Variants in POU2F1 observed in about 807,000 individuals in gnomAD.
POU2F1 encodes the protein POU class 2 homeobox 1, also known as POU domain, class 2, transcription factor 1.
A neutral mutation model predicts 84.9 loss-of-function variants in POU2F1; 16 were observed. The observed-to-expected ratio is 0.19, with a 90% CI of 0.13 to 0.29. The LOEUF is 0.29. Ranked by LOEUF, POU2F1 falls within the 10% of genes least tolerant of loss-of-function variation. The pLI is 1.00. For missense variants in POU2F1, 738 were observed against 942.6 expected (o/e 0.78, Z 2.84); for synonymous variants, 368 against 368.3 (o/e 1.00, Z 0.01).
At chr1:167,324,383 A>G (rs1305799971) in intron 1 of POU2F1, among the ~76,000 whole-genome samples, 1 of 147,270 alleles carries the variant, frequency 6.8e-6, no homozygotes, top group Admixed American at 6.7e-5. Flanking sequence ...ATATATGTAC[A>G]ATGTAAAATG....
intron 1 of POU2F1, among the ~76,000 whole-genome samples, chr1:167,312,218 G>C (rs1470598622): frequency 1.3e-5 from 2 of 149,968 alleles, no homozygotes; most frequent in African/African-American, 4.9e-5. Context: ...TTACAGGCGT[G>C]AGCCACCGTG....
intron 1 of POU2F1, among the ~76,000 whole-genome samples, chr1:167,304,682 T>A (rs1454277904): frequency 1.3e-5 from 2 of 152,338 alleles, no homozygotes; most frequent in South Asian, 2.1e-4. Context: ...TTCAAAGATA[T>A]GAATCTTATC....
chr1:167,416,556 A>T lies in POU2F1; in HGVS notation c.*746A>T, dbSNP rs1650332149. 2 of 155,002 alleles carry T rather than the reference A, an allele frequency of 1.3e-5. No homozygotes were observed. Among genetic ancestry groups the T allele is most frequent in the Admixed American group, 1.3e-4 (2 of 15,434 alleles). The allele number at this position is 155,002 out of a possible 1,614,324, so 9.6% of individuals were successfully genotyped here. ...GTTCTTGCTGGTTTCCTTATCCTTG[A>T]TGACTCTTACAGAGGTGCTAGAAAA... On this transcript the variant is annotated 3_prime_UTR_variant, in exon 16 of 16. Coordinates refer to ENST00000367866, the MANE Select transcript of POU2F1 (RefSeq NM_002697.4).
intron 1 of POU2F1, among the ~76,000 whole-genome samples, chr1:167,330,051 A>G (rs1020231480): frequency 1.3e-5 from 2 of 152,172 alleles, no homozygotes; most frequent in African/African-American, 4.8e-5. Flanking sequence ...AAATCAAGGC[A>G]CTTTGATTTT....
At chr1:167,234,496 C>G (rs930065547) in intron 1 of POU2F1, among the ~76,000 whole-genome samples, 2 of 152,084 alleles carry the variant, frequency 1.3e-5, no homozygotes, top group Non-Finnish European at 1.5e-5. Context: ...CTTTGGGAGG[C>G]TGAGGTGGGA....
At position 167,389,884 on chromosome 1, in the gene POU2F1, C is replaced by T. The variant is rs531207427; in HGVS notation, c.987+123C>T. On this transcript the variant is annotated intron_variant, in intron 9 of 15. Coordinates refer to ENST00000367866, the MANE Select transcript of POU2F1 (RefSeq NM_002697.4). ...AGTCCAAAATATTTGGGACGGGGGA[C>T]GAAAAAGGATGGTCATGTCTGTACT... The T allele has an allele frequency of 3.2e-5, 35 of 1,093,408 alleles. 1 individual carries two copies. The highest frequency in any genetic ancestry group is 1.4e-4 in the South Asian group (9 of 63,404). 67.7% of individuals were successfully genotyped at this position (1,093,408 alleles called of 1,614,324 possible).
intron 1 of POU2F1, among the ~76,000 whole-genome samples, chr1:167,257,628 C>T (rs1651241759): frequency 6.6e-6 from 1 of 152,112 alleles, no homozygotes; most frequent in Admixed American, 6.6e-5. Context: ...TAAGTGATTG[C>T]ATTGTAGGAA....
rs796216339 is a variant in POU2F1 at position 167,243,625 on chromosome 1, G to A, written c.61+22667G>A. On this transcript the variant is annotated intron_variant, in intron 1 of 15. Coordinates refer to ENST00000367866, the MANE Select transcript of POU2F1 (RefSeq NM_002697.4). ...CGAGTAGCTGGGATTACAGGCTTGCGCCACCATGCCTGGCTAATTTTTGTA... is the reference window on the plus strand; with the variant it reads ...CGAGTAGCTGGGATTACAGGCTTGCACCACCATGCCTGGCTAATTTTTGTA... 6.6e-5 allele frequency among the ~76,000 whole-genome samples: 10 copies of A among 152,082 alleles called. No homozygotes were observed. In the East Asian group the frequency reaches 7.7e-4, roughly 12 times the overall value.
At chr1:167,408,970 G>A (rs1649775382) in intron 13 of POU2F1, among the ~76,000 whole-genome samples, 1 of 152,216 alleles carries the variant, frequency 6.6e-6, no homozygotes, top group South Asian at 2.1e-4. Context: ...TATTGGATAT[G>A]TGATCTGCAA....
intron 3 of POU2F1, 21 bp from the exon 4 acceptor site, chr1:167,370,140 A>T (rs1409781389): frequency 6.3e-7 from 1 of 1,597,352 alleles, no homozygotes; most frequent in Non-Finnish European, 8.6e-7. Flanking sequence ...TTAAACTAGA[A>T]CTTCCCCTGA....
At chr1:167,331,281 AAGAC>A (rs1463641925) in intron 1 of POU2F1, among the ~76,000 whole-genome samples, 1 of 152,072 alleles carries the variant, frequency 6.6e-6, no homozygotes, top group East Asian at 1.9e-4. Flanking sequence ...TTATAAAAGA[AAGAC>A]TCCTGATTTT....
chr1:167,375,172 C>T (rs2101855925), intron 6 of POU2F1, among the ~76,000 whole-genome samples: 2 of 152,238 alleles, frequency 1.3e-5, no homozygotes, highest in South Asian at 4.1e-4. Context: ...AATTGTTAGA[C>T]AGCTGTCTTT....
chr1:167,362,531 T>G (rs1197273599), intron 2 of POU2F1, among the ~76,000 whole-genome samples: 2 of 152,138 alleles, frequency 1.3e-5, no homozygotes, highest in Non-Finnish European at 2.9e-5. Context: ...TTGCTGGAGT[T>G]TCTAAAGGGG....
chr1:167,260,556 T>C (rs923503355), intron 1 of POU2F1, among the ~76,000 whole-genome samples: 8 of 152,204 alleles, frequency 5.3e-5, no homozygotes, highest in Middle Eastern at 3.2e-3. Context: ...GAGGATCTAA[T>C]TGTTTAAGTA....
intron 13 of POU2F1, among the ~76,000 whole-genome samples, chr1:167,404,209 G>A (rs537532945): frequency 1.3e-5 from 2 of 150,596 alleles, no homozygotes; most frequent in Admixed American, 6.6e-5. Flanking sequence ...GGATTTTTTG[G>A]CATTCACTCT....
chr1:167,377,186 C>T (rs796694868), intron 7 of POU2F1, among the ~76,000 whole-genome samples: 2 of 152,218 alleles, frequency 1.3e-5, no homozygotes, highest in African/African-American at 4.8e-5. Flanking sequence ...AAATTTGAAC[C>T]CAGAAAGATT....
chr1:167,411,913 A>G, intron 13 of POU2F1, 46 bp from the exon 14 acceptor site: 1 of 1,545,302 alleles, frequency 6.5e-7, no homozygotes, highest in Non-Finnish European at 8.8e-7. Context: ...CCATTCTTCC[A>G]AAACCATTTA....
chr1:167,278,733 C>T (rs1276779182), intron 1 of POU2F1, among the ~76,000 whole-genome samples: 2 of 151,926 alleles, frequency 1.3e-5, no homozygotes, highest in Non-Finnish European at 2.9e-5. Flanking sequence ...TTTCAGCAAG[C>T]GTTTCAGTGC....
intron 1 of POU2F1, among the ~76,000 whole-genome samples, chr1:167,228,020 A>G (rs1571119435): frequency 1.3e-5 from 2 of 152,068 alleles, no homozygotes. Context: ...ACTTTCTCCC[A>G]CCTCCCAGTC....
Sources: gnomAD v4.1 joint callset for allele counts (sites outside exome capture counted in the v4.1 genomes callset) on GRCh38, gnomAD v4.1.1 for gene constraint, MANE v1.5 for transcripts, NCBI Gene and HGNC (gene_info 2026-07-23, HGNC 2026-07-21) for gene names.